The following SETD1A variants were observed in gnomAD, a reference collection of about 807,000 sequenced individuals.
The protein encoded by SETD1A is SET domain containing 1A, histone lysine methyltransferase, also known as histone-lysine N-methyltransferase SETD1A.
Under a neutral mutation model 149.9 loss-of-function variants are expected in SETD1A, and 29 were observed. The ratio of observed to expected loss-of-function variants is 0.19; its 90% CI spans 0.14 to 0.26. SETD1A has a LOEUF of 0.26. Among genes scored for constraint, SETD1A ranks in the 10% least tolerant of loss-of-function variants. SETD1A has a pLI of 1.00. For synonymous variants in SETD1A, 1,141 were observed against 968.5 expected (o/e 1.18, Z -3.31); for missense variants, 2,109 against 2,353.1 (o/e 0.90, Z 2.15).
Position 30,964,333 on chromosome 16 carries a change from AGACCCCGCCTGG to A in SETD1A, c.869+12_869+23del. 6.2e-7 allele frequency: 1 copy of A among 1,605,982 alleles called. No homozygotes were observed. Among genetic ancestry groups the A allele is most frequent in the South Asian group, 1.1e-5 (1 of 90,830 alleles). On this transcript the variant is annotated intron_variant, in intron 6 of 18. Transcript: ENST00000262519. ...CTGCCTACTCCAGCAGGTACAGAGC[AGACCCCGCCTGG>A]GGCCCCGCCCGCAAAGTCTGGGAGC...
At chr16:30,973,607 A>G (rs1277582853) in intron 13 of SETD1A, among the ~76,000 whole-genome samples, 1 of 152,196 alleles carries the variant, frequency 6.6e-6, no homozygotes, top group Non-Finnish European at 1.5e-5. Flanking sequence ...GTGAGCAGAG[A>G]TCATGCCACT....
chr16:30,959,266 G>T lies in SETD1A; in HGVS notation c.246+80G>T, dbSNP rs114200753. The T allele has an allele frequency of 8.8e-4, 844 of 954,862 alleles. 5 individuals carry two copies. The African/African-American group carries it at 0.012, about 13-fold the overall frequency. The allele number at this position is 954,862 out of a possible 1,614,324, so 59.1% of individuals were successfully genotyped here. ...GTCTTGGCACTATAGCTGAATAAAA[G>T]GGTTTCCAATGAAAGGATCTCAGCC... On this transcript the variant is annotated intron_variant, in intron 3 of 18. Transcript: ENST00000262519.
chr16:30,979,054 G>A, intron 13 of SETD1A, 91 bp from the exon 14 acceptor site: 1 of 1,316,838 alleles, frequency 7.6e-7, no homozygotes, highest in Non-Finnish European at 1.0e-6. Context: ...CGGAAGTGGG[G>A]GAGAGCACAC....
chr16:30,980,415 C>T lies in SETD1A; in HGVS notation c.4409-70C>T, dbSNP rs1484771595. ...ACCTGGGTATGCTCAGCGGCGTGGGCCCCGCCCTCTCCTTTGGCTGGGACG... is the reference window on the plus strand; with the variant it reads ...ACCTGGGTATGCTCAGCGGCGTGGGTCCCGCCCTCTCCTTTGGCTGGGACG... On this transcript the variant is annotated intron_variant, in intron 14 of 18. Coordinates refer to ENST00000262519, the MANE Select transcript of SETD1A (RefSeq NM_014712.3). This position sits in a 1 kb window ranked among gnomAD's most constrained non-coding sequence, Gnocchi z 7.7. 2 of 1,548,170 alleles carry T rather than the reference C, an allele frequency of 1.3e-6. No homozygotes were observed. The highest frequency in any genetic ancestry group is 3.7e-5 in the Admixed American group (2 of 53,738).
chr16:30,969,299 G>A lies in SETD1A; in HGVS notation c.2771-6G>A, dbSNP rs752797563. ...AATTTCCCCAACTACCACTCTGCTG[G>A]CCTAGACCCTGAACAAGAGAAGGAG... On this transcript the variant is annotated splice_polypyrimidine_tract_variant and splice_region_variant and intron_variant, in intron 10 of 18. Coordinates refer to ENST00000262519, the MANE Select transcript of SETD1A (RefSeq NM_014712.3). 6.2e-7 allele frequency: 1 copy of A among 1,613,096 alleles called. No individual in the cohort carries two copies. The highest frequency in any genetic ancestry group is 8.5e-7 in the Non-Finnish European group (1 of 1,179,602).
chr16:30,979,472 G>A lies in SETD1A; in HGVS notation c.3686G>A (p.Gly1229Asp), dbSNP rs771768569. ...TGGCCCGAGGAGGTGTCCCGAGGAG[G>A]CCGGAGCCGGGCTGGAGGCCGAGGC... ...KSWPEEVSRGGRSRAGGRGRL... is the reference protein window; with the variant it reads ...KSWPEEVSRGDRSRAGGRGRL... Residue 1229 changes from glycine to aspartate, a missense_variant, in exon 14 of 19, where the codon GGC becomes GAC. Around this residue, in one of 8 missense-constraint regions of SETD1A, gnomAD observed 832 missense variants for 815.6 expected, o/e 1.02. Coordinates refer to ENST00000262519, the MANE Select transcript of SETD1A (RefSeq NM_014712.3). The A allele has an allele frequency of 2.9e-5, 47 of 1,599,458 alleles. No homozygotes were observed. Among genetic ancestry groups the A allele is most frequent in the Non-Finnish European group, 3.7e-5 (44 of 1,173,466 alleles).
rs149618545 is a variant in SETD1A, at chr16:30,969,377, G to C, written c.2843G>C (p.Arg948Pro). Reference protein sequence around the residue: ...GTKPPKRDEERGKTQGKHRKS... With the variant: ...GTKPPKRDEEPGKTQGKHRKS... ...AAGCCCCCGAAGCGGGACGAAGAGC[G>C]AGGCAAGACCCAGGGCAAGCACCGC... The change falls in exon 11 of 19, where the codon CGA becomes CCA. Residue 948 changes from arginine (R) to proline (P), a missense_variant. By Grantham distance (103) the Arg-to-Pro change is moderately radical. Coordinates refer to ENST00000262519, the MANE Select transcript of SETD1A (RefSeq NM_014712.3). 19 of 1,614,062 alleles carry C rather than the reference G, an allele frequency of 1.2e-5. No individual in the cohort carries two copies. The Admixed American group carries it at 1.5e-4, about 13-fold the overall frequency.
chr16:30,979,992 C>CCCAG lies in SETD1A; in HGVS notation c.4208_4209insAGCC (p.Pro1404AlafsTer18). On this transcript the variant is annotated frameshift_variant, in exon 14 of 19. Coordinates refer to ENST00000262519, the MANE Select transcript of SETD1A (RefSeq NM_014712.3). LOFTEE classifies it high-confidence loss of function. The stretch of plus-strand genomic sequence containing the variant: ...TCCGCTCCCACGCCCGGCGCCGCCG[C>CCCAG]CCTCCGCCCCCACCCCCGCCGCCAC... The CCCAG allele has an allele frequency of 6.8e-7, 1 of 1,477,500 alleles. No individual in the cohort carries two copies. Among genetic ancestry groups the CCCAG allele is most frequent in the Non-Finnish European group, 8.9e-7 (1 of 1,120,134 alleles). The allele number at this position is 1,477,500 out of a possible 1,614,324, so 91.5% of individuals were successfully genotyped here.
chr16:30,981,796 C>G (rs750156439), intron 17 of SETD1A, among the ~76,000 whole-genome samples: 1 of 152,118 alleles, frequency 6.6e-6, no homozygotes, highest in Non-Finnish European at 1.5e-5. Context: ...GCAAAAAATA[C>G]AAAAGCTAGC....
intron 12 of SETD1A, 55 bp from the exon 13 acceptor site, chr16:30,971,323 G>C: frequency 9.9e-6 from 15 of 1,521,496 alleles, no homozygotes; most frequent in Non-Finnish European, 1.2e-5. Flanking sequence ...AGGAGCCCAC[G>C]GCTGGCCAAG....
intron 6 of SETD1A, 24 bp from the exon 7 acceptor site, chr16:30,964,588 C>A (rs763808480): frequency 2.5e-6 from 4 of 1,601,846 alleles, no homozygotes; most frequent in Admixed American, 3.3e-5. Flanking sequence ...CTGAGTCCAG[C>A]TAACTCCCCT....
In SETD1A at chr16:30,970,900, G is replaced by A. The variant is rs566346869; in HGVS notation, c.3017-478G>A. Among the ~76,000 whole-genome samples the A allele has an allele frequency of 1.3e-3, 199 of 152,254 alleles. 1 individual carries two copies. The highest frequency in any genetic ancestry group is 2.4e-3 in the Non-Finnish European group (166 of 68,030). The stretch of plus-strand genomic sequence containing the variant: ...TCTTCAGTTTTTTCGAGTCCTTCCC[G>A]TACATGAGCAGTCTCAGAATATAGA... On this transcript the variant is annotated intron_variant, in intron 12 of 18. Coordinates refer to ENST00000262519, the MANE Select transcript of SETD1A (RefSeq NM_014712.3).
Position 30,961,910 on chromosome 16 carries a change from G to A in SETD1A, c.517+373G>A, listed in dbSNP as rs566964606. Among the ~76,000 whole-genome samples, 41 of 152,120 alleles carry A rather than the reference G, an allele frequency of 2.7e-4. No individual in the cohort carries two copies. The highest frequency in any genetic ancestry group is 9.9e-4 in the African/African-American group (41 of 41,504). ...GTCACCTAGGCTGGAGAGCAGTGGC[G>A]TGATCTTTCCTCACTGCAGCCTCCA... is the stretch of plus-strand genomic sequence containing the variant. On this transcript the variant is annotated intron_variant, in intron 4 of 18. Transcript: ENST00000262519. The surrounding 1 kb of genome is among the most constrained non-coding windows in gnomAD (Gnocchi z 4.0).
At chr16:30,967,114 C>A in intron 9 of SETD1A, 54 bp downstream of exon 9, 1 of 1,390,992 alleles carries the variant, frequency 7.2e-7, no homozygotes, top group East Asian at 2.4e-5. Context: ...GAGGGGGCCC[C>A]CTTCCTTGGG....
Position 30,966,167 on chromosome 16 carries a change from C to T in SETD1A, c.2286C>T (p.Ser762=), listed in dbSNP as rs746344478. 1.6e-5 allele frequency: 26 copies of T among 1,610,132 alleles called. No homozygotes were observed. The highest frequency in any genetic ancestry group is 2.0e-5 in the Non-Finnish European group (24 of 1,177,972). Residue 762 remains serine (S), a synonymous_variant, in exon 8 of 19, where the codon TCC becomes TCT. Coordinates refer to ENST00000262519, the MANE Select transcript of SETD1A (RefSeq NM_014712.3). The part of the protein sequence containing the change: ...MPMAAEPLPS[S]SVSGEEARLP... ...TGGCAGCCGAGCCCCTGCCCTCCTC[C>T]TCAGTCTCGGGAGAGGAGGCCCGGC... is the stretch of plus-strand genomic sequence containing the variant.
At chr16:30,968,243 A>G (rs1011773964) in intron 10 of SETD1A, among the ~76,000 whole-genome samples, 4 of 151,974 alleles carry the variant, frequency 2.6e-5, no homozygotes, top group African/African-American at 9.7e-5. Context: ...TGTCTCTACT[A>G]AAAATACAAA....
chr16:30,980,210 G>T lies in SETD1A; in HGVS notation c.4408+16G>T. The T allele has an allele frequency of 6.3e-7, 1 of 1,582,888 alleles. No individual in the cohort carries two copies. ...CATCACACAAATATCCTGAGTGTGG[G>T]CGGCCTTCCCCGGGCTTGGGTCCTC... is the stretch of plus-strand genomic sequence containing the variant. On this transcript the variant is annotated intron_variant, in intron 14 of 18. Coordinates refer to ENST00000262519, the MANE Select transcript of SETD1A (RefSeq NM_014712.3). The surrounding 1 kb of genome is among the most constrained non-coding windows in gnomAD (Gnocchi z 7.7).
chr16:30,980,985 C>T lies in SETD1A; in HGVS notation c.4693-76C>T. The stretch of plus-strand genomic sequence containing the variant: ...GTAAGCAGCCAGAACACCCTCTGCC[C>T]AGGAAGTCTGTGGGAAGAGTGAGGG... On this transcript the variant is annotated intron_variant, in intron 16 of 18. Coordinates refer to ENST00000262519, the MANE Select transcript of SETD1A (RefSeq NM_014712.3). This position sits in a 1 kb window ranked among gnomAD's most constrained non-coding sequence, Gnocchi z 7.7. 1 of 1,596,182 alleles carries T rather than the reference C, an allele frequency of 6.3e-7. No individual in the cohort carries two copies.
intron 13 of SETD1A, among the ~76,000 whole-genome samples, chr16:30,976,700 G>A (rs1346343675): frequency 6.6e-6 from 1 of 152,144 alleles, no homozygotes; most frequent in Non-Finnish European, 1.5e-5. Context: ...GGATTGACAA[G>A]GCCAGGTGTG....
Sources: gnomAD v4.1 joint callset for allele counts (sites outside exome capture counted in the v4.1 genomes callset) on GRCh38, gnomAD v4.1.1 for gene constraint, gnomAD v4.1.1 regional missense constraint, Gnocchi (gnomAD v3.1) non-coding constraint, MANE v1.5 for transcripts, NCBI Gene and HGNC (gene_info 2026-07-23, HGNC 2026-07-21) for gene names.